MRPL9: variants seen among roughly 807,000 people sequenced by gnomAD.
The protein encoded by MRPL9 is large ribosomal subunit protein bL9m.
A neutral mutation model predicts 27.6 loss-of-function variants in MRPL9; 25 were observed. The ratio of observed to expected loss-of-function variants is 0.91; its 90% confidence interval spans 0.66 to 1.27. The LOEUF (loss-of-function observed/expected upper bound fraction) is 1.27, where lower values mean the gene tolerates loss of function less well. Ranked by LOEUF, MRPL9 falls within the 50% of genes most tolerant of loss-of-function variation. MRPL9 has a pLI of 0.00. For synonymous variants in MRPL9, 154 were observed against 139.0 expected, an observed-to-expected ratio of 1.11 and a Z score of -0.76; for missense variants, 362 against 338.0, an observed-to-expected ratio of 1.07 and a Z score of -0.56.
intron 5 of MRPL9, among the ~76,000 whole-genome samples, 193 bp from the exon 6 acceptor site, chr1:151,761,092 A>C (rs1648055171): frequency 6.6e-6 from 1 of 152,152 alleles, no homozygotes; most frequent in South Asian, 2.1e-4. Context: ...AGAGAAATTC[A>C]ATTCTGATTT....
chr1:151,763,402 GA>G lies in MRPL9; in HGVS notation c.77del (p.Val26AlafsTer73). On this transcript the variant is annotated frameshift_variant, in exon 1 of 7. Coordinates refer to ENST00000368830, the MANE Select transcript of MRPL9 (RefSeq NM_031420.4). LOFTEE classifies it high-confidence loss of function. ...AGAGRLLRGG[V>X]QELLRPRHEG... ...CATGTCGCGGCCGCAGTAGCTCCTG[GA>G]CGCCTCCCCGAAGCAGCCGTCCAGC... 6.4e-7 allele frequency: 1 copy of G among 1,565,914 alleles called. No individual in the cohort carries two copies. Among genetic ancestry groups the G allele is most frequent in the Non-Finnish European group, 8.7e-7 (1 of 1,154,760 alleles).
rs746048814 is a variant in MRPL9 at position 151,763,102 on chromosome 1, C to G, written c.198G>C (p.Gly66=). The change falls in exon 2 of 7, where the codon GGG becomes GGC. Residue 66 remains glycine (G), a synonymous_variant. Coordinates refer to ENST00000368830, the MANE Select transcript of MRPL9 (RefSeq NM_031420.4). Reference sequence around the variant, plus strand: ...GGTGCAGGCGCGGCTTCCGGCCCTCCCCGGCCAGCGGTACCTTCCACCAGC... The same window carrying G: ...GGTGCAGGCGCGGCTTCCGGCCCTCGCCGGCCAGCGGTACCTTCCACCAGC... ...VERWWKVPLA[G]EGRKPRLHRR... 1 of 1,614,074 alleles carries G rather than the reference C, an allele frequency of 6.2e-7. No individual in the cohort carries two copies. The highest frequency in any genetic ancestry group is 8.5e-7 in the Non-Finnish European group (1 of 1,179,984).
At position 151,760,177 on chromosome 1, in the gene MRPL9, T is replaced by C. The variant is rs751033090; in HGVS notation, c.677A>G (p.Asn226Ser). The change falls in exon 7 of 7, where the codon AAT becomes AGT. Residue 226 changes from asparagine (N) to serine (S), a missense_variant. By Grantham distance (46) the Asn-to-Ser change is conservative. Transcript: ENST00000368830. ...AGGCACTCTCACAGTATCAAGCCCA[T>C]TTACCTGCACACAAAACAATGGGAA... ...WGEYWCEVTV[N>S]GLDTVRVPMS... is the part of the protein sequence containing the mutation. 7.4e-6 allele frequency: 12 copies of C among 1,614,106 alleles called. No homozygotes were observed. In the East Asian group the frequency reaches 2.7e-4, roughly 36 times the overall value.
Position 151,763,413 on chromosome 1 carries a change from G to C in MRPL9, c.67C>G (p.Arg23Gly). Residue 23 changes from arginine to glycine, a missense_variant, in exon 1 of 7, where the codon CGG becomes GGG. Physicochemically the swap from Arg to Gly is moderately radical, Grantham distance 125. Transcript: ENST00000368830. ...CGCAGTAGCTCCTGGACGCCTCCCC[G>C]AAGCAGCCGTCCAGCGCCCGCCCGC... is the stretch of plus-strand genomic sequence containing the variant. ...LLRAGAGRLL[R>G]GGVQELLRPR... 6.4e-7 allele frequency: 1 copy of C among 1,565,500 alleles called. No homozygotes were observed. The highest frequency in any genetic ancestry group is 1.2e-5 in the South Asian group (1 of 85,520).
At chr1:151,761,691 C>G in intron 4 of MRPL9, 139 bp from the exon 5 acceptor site, 1 of 632,910 alleles carries the variant, frequency 1.6e-6, no homozygotes, top group Non-Finnish European at 2.8e-6. Flanking sequence ...TGGGTCACTT[C>G]AGCCCAGGAG....
rs1254373121 is a variant in MRPL9 at position 151,762,830 on chromosome 1, GTCACAA to G, written c.310+154_310+159del. On this transcript the variant is annotated intron_variant, in intron 2 of 6. Coordinates refer to ENST00000368830, the MANE Select transcript of MRPL9 (RefSeq NM_031420.4). ...TTAATTTTCAATGCTGGAGGCCAGT[GTCACAA>G]TCACAATAGTTTTTATGGCTTCCTC... is the stretch of plus-strand genomic sequence containing the variant. The G allele has an allele frequency of 3.3e-6, 3 of 906,342 alleles. No individual in the cohort carries two copies. In the African/African-American group the frequency reaches 5.0e-5, roughly 15 times the overall value. 56.1% of individuals were successfully genotyped at this position (906,342 alleles called of 1,614,324 possible). A position where few individuals can be genotyped will look rare whatever the true frequency, so the allele number is the denominator to read the frequency against.
chr1:151,760,903 C>CCAAAAAAAAAAAAAAAAAA lies in MRPL9; in HGVS notation c.589-5_589-4insTTTTTTTTTTTTTTTTTTG. ...GTGGGGCAACCACAACACCAAGCTG[C>CCAAAAAAAAAAAAAAAAAA]AAAAAAAAAAAAAAAAAAAAAAATC... On this transcript the variant is annotated splice_polypyrimidine_tract_variant and splice_region_variant and intron_variant, in intron 5 of 6. Coordinates refer to ENST00000368830, the MANE Select transcript of MRPL9 (RefSeq NM_031420.4). The CCAAAAAAAAAAAAAAAAAA allele has an allele frequency of 1.0e-6, 1 of 952,380 alleles. No homozygotes were observed. The highest frequency in any genetic ancestry group is 1.4e-6 in the Non-Finnish European group (1 of 735,538). 59.0% of individuals were successfully genotyped at this position (952,380 alleles called of 1,614,324 possible). A position where few individuals can be genotyped will look rare whatever the true frequency, so the allele number is the denominator to read the frequency against.
At chr1:151,763,294 G>A (rs745448781) in intron 1 of MRPL9, 33 bp downstream of exon 1, 3 of 1,576,574 alleles carry the variant, frequency 1.9e-6, no homozygotes, top group Non-Finnish European at 2.6e-6. Context: ...ATACTCGAGC[G>A]TATCTACCCC....
intron 4 of MRPL9, among the ~76,000 whole-genome samples, 172 bp from the exon 5 acceptor site, chr1:151,761,724 T>C (rs1333528541): frequency 6.6e-6 from 1 of 152,126 alleles, no homozygotes; most frequent in Non-Finnish European, 1.5e-5. Context: ...CTGGCCAACA[T>C]GGCGAAACCC....
At position 151,761,525 on chromosome 1, in the gene MRPL9, G is replaced by A; in HGVS notation, c.514C>T (p.Leu172=). ...ACATTGTTCTTCATCCCTACCTCCAGGCGACAGCTTTTTAGAAATTTCACT... is the reference window on the plus strand; with the variant it reads ...ACATTGTTCTTCATCCCTACCTCCAAGCGACAGCTTTTTAGAAATTTCACT... ...ATVKFLKSCR[L]EVGMKNNVKW... is the part of the protein sequence containing the mutation. The change falls in exon 5 of 7, where the codon CTG becomes TTG. Residue 172 remains leucine, a synonymous_variant. Transcript: ENST00000368830. The A allele has an allele frequency of 6.2e-7, 1 of 1,613,782 alleles. No homozygotes were observed. Among genetic ancestry groups the A allele is most frequent in the Non-Finnish European group, 8.5e-7 (1 of 1,179,718 alleles).
chr1:151,763,456 G>T lies in MRPL9; in HGVS notation c.24C>A (p.Ala8=). The change falls in exon 1 of 7, where the codon GCC becomes GCA. Residue 8 remains alanine, a synonymous_variant. Coordinates refer to ENST00000368830, the MANE Select transcript of MRPL9 (RefSeq NM_031420.4). ...CCGCCCGCAGCAGAGCTCTGCCCGG[G>T]GCCGTGACAACGGGCGCCGCCATGT... MAAPVVT[A]PGRALLRAGA... The T allele has an allele frequency of 1.3e-6, 2 of 1,574,660 alleles. No individual in the cohort carries two copies. Among genetic ancestry groups the T allele is most frequent in the Non-Finnish European group, 1.7e-6 (2 of 1,160,528 alleles).
In MRPL9 at chr1:151,763,061, T is replaced by G. The variant is rs751120845; in HGVS notation, c.239A>C (p.Tyr80Ser). ...KPRLHRRHRV[Y>S]KLVEDTKHRP... ...ATGCTTCGTGTCCTCCACCAGCTTA[T>G]AGACGCGATGTCGCCGGTGCAGGCG... The change falls in exon 2 of 7, where the codon TAT (tyrosine) becomes TCT (serine). Residue 80 changes from tyrosine to serine, a missense_variant. Physicochemically the swap from Tyr to Ser is moderately radical, Grantham distance 144 (BLOSUM62 -2). Transcript: ENST00000368830. The G allele has an allele frequency of 6.2e-7, 1 of 1,614,210 alleles. No homozygotes were observed. Among genetic ancestry groups the G allele is most frequent in the Admixed American group, 1.7e-5 (1 of 60,018 alleles).
intron 2 of MRPL9, 177 bp from the exon 3 acceptor site, chr1:151,762,677 T>C (rs957495526): frequency 1.4e-6 from 1 of 702,372 alleles, no homozygotes; most frequent in African/African-American, 1.8e-5. Context: ...TCTTTAGAAC[T>C]TGATGTATAA....
chr1:151,760,921 A>ATAAAAAAAT, intron 5 of MRPL9, 22 bp from the exon 6 acceptor site: 1 of 1,540,780 alleles, frequency 6.5e-7, no homozygotes, highest in African/African-American at 1.5e-5. Flanking sequence ...AAAAAAAAAA[A>ATAAAAAAAT]AAAAATCTCA....
chr1:151,760,915 A>AAAAAAAAAAAAAAG lies in MRPL9; in HGVS notation c.589-17_589-16insCTTTTTTTTTTTTT. The AAAAAAAAAAAAAAG allele has an allele frequency of 6.4e-7, 1 of 1,551,218 alleles. No homozygotes were observed. Among genetic ancestry groups the AAAAAAAAAAAAAAG allele is most frequent in the African/African-American group, 1.4e-5 (1 of 70,628 alleles). ...CAACACCAAGCTGCAAAAAAAAAAA[A>AAAAAAAAAAAAAAG]AAAAAAAAAAATCTCAGCTCAAATG... On this transcript the variant is annotated splice_polypyrimidine_tract_variant and intron_variant, in intron 5 of 6. Transcript: ENST00000368830.
chr1:151,760,922 A>T, intron 5 of MRPL9, 23 bp from the exon 6 acceptor site: 1 of 1,534,112 alleles, frequency 6.5e-7, no homozygotes, highest in Non-Finnish European at 8.7e-7. Flanking sequence ...AAAAAAAAAA[A>T]AAAATCTCAG....
rs1165632907 is a variant in MRPL9, at chr1:151,762,143, C to G, written c.448G>C (p.Gly150Arg). 1.2e-6 allele frequency: 2 copies of G among 1,614,024 alleles called. No homozygotes were observed. Among genetic ancestry groups the G allele is most frequent in the Non-Finnish European group, 1.7e-6 (2 of 1,180,032 alleles). Residue 150 changes from glycine (G) to arginine (R), a missense_variant, in exon 4 of 7, where the codon GGA (glycine) becomes CGA (arginine). Transcript: ENST00000368830. ...FEEEKLLRQE[G>R]KLEKIQTKAG... Reference sequence around the variant, plus strand: ...TTGGTCTGGATCTTCTCTAATTTTCCTTCTTGTCTCAGCTAGAAAAGAAAG... The same window carrying G: ...TTGGTCTGGATCTTCTCTAATTTTCGTTCTTGTCTCAGCTAGAAAAGAAAG...
intron 3 of MRPL9, 98 bp downstream of exon 3, chr1:151,762,278 T>C (rs2101543274): frequency 6.3e-7 from 1 of 1,587,252 alleles, no homozygotes; most frequent in East Asian, 2.2e-5. Flanking sequence ...CTAGTTCCTA[T>C]TTCATTTTCA....
At chr1:151,760,480 G>A (rs1285949006) in intron 6 of MRPL9, among the ~76,000 whole-genome samples, 2 of 149,086 alleles carry the variant, frequency 1.3e-5, no homozygotes, top group Non-Finnish European at 3.0e-5. Context: ...GGGGGACTGA[G>A]GCAGAAGGAT....
Sources: gnomAD v4.1 joint callset for allele counts (sites outside exome capture counted in the v4.1 genomes callset) on GRCh38, gnomAD v4.1.1 for gene constraint, MANE v1.5 for transcripts, NCBI Gene and HGNC (gene_info 2026-07-23, HGNC 2026-07-21) for gene names.